PHF20L1: variants seen among roughly 807,000 people sequenced by gnomAD.
PHF20L1 encodes the protein PHD finger protein 20 like 1, also known as PHD finger protein 20-like protein 1.
In PHF20L1, 44 loss-of-function variants were observed where a neutral mutation model predicts 125.5. That is an observed-to-expected ratio of 0.35 (90% CI 0.28 to 0.45). The LOEUF is 0.45. PHF20L1 is among the 20% of genes least tolerant of loss of function. PHF20L1 has a pLI of 1.00. For synonymous variants in PHF20L1, 380 were observed against 403.1 expected (o/e 0.94, Z 0.69); for missense variants, 1,012 against 1,217.2 (o/e 0.83, Z 2.51).
chr8:132,807,644 T>G (rs974321182), intron 8 of PHF20L1: 1 of 439,952 alleles, frequency 2.3e-6, no homozygotes, highest in Non-Finnish European at 4.5e-6. Context: ...ACCAAGAATG[T>G]AACCACTTTG....
chr8:132,801,990 T>A (rs1031778071), intron 6 of PHF20L1, among the ~76,000 whole-genome samples: 1 of 151,682 alleles, frequency 6.6e-6, no homozygotes, highest in Non-Finnish European at 1.5e-5. Context: ...CAACTTAAAA[T>A]TTTCCCCGCA....
Position 132,792,066 on chromosome 8 carries a change from T to C in PHF20L1, c.84-2344T>C, listed in dbSNP as rs1586881085. Reference sequence around the variant, plus strand: ...TGGACTATTCTCACTTTGAGAAATGTTTCAAATATATAGAGTTGTATAGAT... The same window carrying C: ...TGGACTATTCTCACTTTGAGAAATGCTTCAAATATATAGAGTTGTATAGAT... On this transcript the variant is annotated intron_variant, in intron 2 of 20. Coordinates refer to ENST00000395386, the MANE Select transcript of PHF20L1 (RefSeq NM_016018.5). 2.0e-5 allele frequency among the ~76,000 whole-genome samples: 3 copies of C among 152,334 alleles called. No homozygotes were observed. The East Asian group carries it at 5.8e-4, about 29-fold the overall frequency.
In PHF20L1 at chr8:132,781,338, AG is replaced by A. The variant is rs1345083106; in HGVS notation, c.83+3428del. 9.8e-5 allele frequency among the ~76,000 whole-genome samples: 15 copies of A among 152,314 alleles called. No homozygotes were observed. In the East Asian group the frequency reaches 2.9e-3, roughly 29 times the overall value. On this transcript the variant is annotated intron_variant, in intron 2 of 20. Transcript: ENST00000395386. ...ATAAACCATATCGTATAATTCTTAC[AG>A]ATCAGAAAGATACCTTATCTTTGAA...
rs1405892284 is a variant in PHF20L1, at chr8:132,811,071, G to T, written c.873G>T (p.Gly291=). Residue 291 remains glycine (G), a synonymous_variant, in exon 9 of 21, where the codon GGG becomes GGT. Transcript: ENST00000395386. Reference sequence around the variant, plus strand: ...GTTTGTTGGCATCCAAAGCTGTTGGGGTTGATGGTGCTGAAAAAAAGGAAG... The same window carrying T: ...GTTTGTTGGCATCCAAAGCTGTTGGTGTTGATGGTGCTGAAAAAAAGGAAG... ...ITGLLASKAV[G]VDGAEKKEDY... is the part of the protein sequence containing the mutation. 4 of 1,610,246 alleles carry T rather than the reference G, an allele frequency of 2.5e-6. No individual in the cohort carries two copies. The South Asian group carries it at 4.4e-5, about 18-fold the overall frequency.
chr8:132,832,260 C>T lies in PHF20L1; in HGVS notation c.1770C>T (p.Ser590=). 4 of 1,597,816 alleles carry T rather than the reference C, an allele frequency of 2.5e-6. No homozygotes were observed. Among genetic ancestry groups the T allele is most frequent in the Non-Finnish European group, 3.4e-6 (4 of 1,165,806 alleles). ...ACTATTCAGACTATGAAGACAGTTC[C>T]CTCGAATTTTTGGAAAGGTGCTCTT... ...QHDYSDYEDS[S]LEFLERCSSP... is the part of the protein sequence containing the mutation. The change falls in exon 15 of 21, where the codon TCC becomes TCT. Residue 590 remains serine, a synonymous_variant. Coordinates refer to ENST00000395386, the MANE Select transcript of PHF20L1 (RefSeq NM_016018.5).
intron 8 of PHF20L1, chr8:132,809,927 G>T (rs1422512544): frequency 2.0e-5 from 3 of 152,106 alleles, no homozygotes; most frequent in African/African-American, 7.2e-5. Flanking sequence ...TTCATCGAAG[G>T]TTACCTGACA....
chr8:132,777,792 G>A lies in PHF20L1; in HGVS notation c.-37G>A. On this transcript the variant is annotated splice_region_variant and 5_prime_UTR_variant, in exon 2 of 21. Coordinates refer to ENST00000395386, the MANE Select transcript of PHF20L1 (RefSeq NM_016018.5). Reference sequence around the variant, plus strand: ...ATCTAACTTTTTTCTTTCTCTTGAGGTAGTGAAAAGAGAATACTGAAGAAT... The same window carrying A: ...ATCTAACTTTTTTCTTTCTCTTGAGATAGTGAAAAGAGAATACTGAAGAAT... 7.6e-7 allele frequency: 1 copy of A among 1,317,278 alleles called. No homozygotes were observed. Among genetic ancestry groups the A allele is most frequent in the Non-Finnish European group, 1.1e-6 (1 of 911,766 alleles). 81.6% of individuals were successfully genotyped at this position (1,317,278 alleles called of 1,614,324 possible).
intron 6 of PHF20L1, chr8:132,803,595 A>G: frequency 2.1e-6 from 1 of 481,884 alleles, no homozygotes; most frequent in South Asian, 3.0e-5. Flanking sequence ...CTGTTATTGA[A>G]TATGCTTCCT....
Position 132,804,710 on chromosome 8 carries a change from G to A in PHF20L1, c.817G>A (p.Ala273Thr). ...RKNNQGNSFQAKRARLNKITG... is the reference protein window; with the variant it reads ...RKNNQGNSFQTKRARLNKITG... ...AAATAATCAAGGCAACTCGTTTCAG[G>A]CAAAGAGAGCTCGACTTAACAAGAT... is the stretch of plus-strand genomic sequence containing the variant. Residue 273 changes from alanine (A) to threonine (T), a missense_variant, in exon 8 of 21, where the codon GCA (alanine) becomes ACA (threonine). Physicochemically the swap from Ala to Thr is moderately conservative, Grantham distance 58. Coordinates refer to ENST00000395386, the MANE Select transcript of PHF20L1 (RefSeq NM_016018.5). 6.2e-7 allele frequency: 1 copy of A among 1,609,760 alleles called. No individual in the cohort carries two copies. The highest frequency in any genetic ancestry group is 8.5e-7 in the Non-Finnish European group (1 of 1,177,386).
chr8:132,824,989 A>G (rs369196108), intron 13 of PHF20L1: 4 of 1,365,042 alleles, frequency 2.9e-6, no homozygotes, highest in Non-Finnish European at 3.9e-6. Context: ...GAAATTGAGA[A>G]TATTACTCAT....
Position 132,804,639 on chromosome 8 carries a change from A to G in PHF20L1, c.746A>G (p.Lys249Arg), listed in dbSNP as rs767432113. 3.0e-5 allele frequency: 49 copies of G among 1,608,030 alleles called. 1 individual carries two copies. The South Asian group carries it at 5.2e-4, about 17-fold the overall frequency. ...GGACTTCATGTAGAGAACGTTCCAA[A>G]GATGGTCTTTCCACAGCCAGAGAGC... ...TFGLHVENVP[K>R]MVFPQPESTL... Residue 249 changes from lysine (K) to arginine (R), a missense_variant, in exon 8 of 21, where the codon AAG becomes AGG. Physicochemically the swap from Lys to Arg is conservative, Grantham distance 26. Transcript: ENST00000395386.
At chr8:132,836,482 G>GA in intron 15 of PHF20L1, 58 bp from the exon 16 acceptor site, 1 of 1,193,478 alleles carries the variant, frequency 8.4e-7, no homozygotes, top group Non-Finnish European at 1.2e-6. Context: ...CTTTCTTTAT[G>GA]AAAAATAACA....
At position 132,804,096 on chromosome 8, in the gene PHF20L1, T is replaced by C. The variant is rs1031035226; in HGVS notation, c.721+64T>C. ...GGTAAACTCATGTAGTAAAGTCAAA[T>C]CCCTTGGCTTCCTTTGATTTTGAAT... On this transcript the variant is annotated intron_variant, in intron 7 of 20. Coordinates refer to ENST00000395386, the MANE Select transcript of PHF20L1 (RefSeq NM_016018.5). The C allele has an allele frequency of 5.8e-6, 6 of 1,041,764 alleles. No homozygotes were observed. In the African/African-American group the frequency reaches 6.5e-5, roughly 11 times the overall value. The allele number at this position is 1,041,764 out of a possible 1,614,324, so 64.5% of individuals were successfully genotyped here.
chr8:132,790,160 T>C (rs1377855827), intron 2 of PHF20L1, among the ~76,000 whole-genome samples: 1 of 152,200 alleles, frequency 6.6e-6, no homozygotes, highest in Non-Finnish European at 1.5e-5. Flanking sequence ...AGAAAAATCT[T>C]ATGTTTAATT....
At chr8:132,778,467 A>T (rs1022483358) in intron 2 of PHF20L1, among the ~76,000 whole-genome samples, 1 of 152,166 alleles carries the variant, frequency 6.6e-6, no homozygotes, top group Admixed American at 6.5e-5. Context: ...GCAGGTTGTT[A>T]CTGTCTCCAG....
intron 8 of PHF20L1, chr8:132,809,291 C>G (rs538224941): frequency 4.0e-4 from 61 of 152,300 alleles, no homozygotes; most frequent in African/African-American, 1.5e-3. Context: ...CTCAGCCTCC[C>G]AAGTAACTGG....
intron 15 of PHF20L1, 151 bp from the exon 16 acceptor site, chr8:132,836,389 G>C: frequency 1.9e-6 from 1 of 523,784 alleles, no homozygotes; most frequent in South Asian, 3.5e-5. Context: ...TCCATGTCCA[G>C]AGACAAGTAC....
At chr8:132,792,849 C>G (rs1008279242) in intron 2 of PHF20L1, among the ~76,000 whole-genome samples, 3 of 152,056 alleles carry the variant, frequency 2.0e-5, no homozygotes, top group African/African-American at 7.2e-5. Flanking sequence ...TCTAGTAACA[C>G]TGAATGCTTT....
intron 10 of PHF20L1, 34 bp from the exon 11 acceptor site, chr8:132,816,854 A>G: frequency 3.5e-6 from 5 of 1,426,856 alleles, no homozygotes; most frequent in Non-Finnish European, 3.9e-6. Context: ...CCTGGTATGT[A>G]TCTGCTTCGT....
Sources: gnomAD v4.1 joint callset for allele counts (sites outside exome capture counted in the v4.1 genomes callset) on GRCh38, gnomAD v4.1.1 for gene constraint, MANE v1.5 for transcripts, NCBI Gene and HGNC (gene_info 2026-07-23, HGNC 2026-07-21) for gene names.